Variants in RNF17 observed in about 807,000 individuals in gnomAD.
The protein encoded by RNF17 is spermatogenesis associated 23.
Under a neutral mutation model 200.5 loss-of-function variants are expected in RNF17, and 31 were observed. That is an observed-to-expected ratio of 0.15 (90% CI 0.12 to 0.21). The LOEUF is 0.21. Ranked by LOEUF, RNF17 falls within the 10% of genes least tolerant of loss-of-function variation. The probability of loss-of-function intolerance (pLI) is 1.00; values close to 1 mark genes in which losing one functional copy is unlikely to be tolerated. For missense variants in RNF17, 1,628 were observed against 1,905.1 expected, an observed-to-expected ratio of 0.85 and a Z score of 2.71; for synonymous variants, 606 against 637.8, an observed-to-expected ratio of 0.95 and a Z score of 0.75.
the RNF17 span, chr13:24,885,839 C>T: frequency 1.6e-6 from 1 of 622,004 alleles, no homozygotes; most frequent in Non-Finnish European, 2.9e-6. Context: ...GACACAGGTA[C>T]TTAAGTCCTA....
chr13:24,852,602 A>G (rs895749058), intron 24 of RNF17, among the ~76,000 whole-genome samples: 3 of 152,180 alleles, frequency 2.0e-5, no homozygotes, highest in Admixed American at 1.3e-4. Context: ...TGAAATGGAA[A>G]GAGAATTAGA....
intron 1 of RNF17, among the ~76,000 whole-genome samples, chr13:24,764,888 G>GGTGTGGGGGTGTGT (rs1555262370): frequency 1.5e-5 from 2 of 134,092 alleles, no homozygotes; most frequent in East Asian, 4.1e-4. Context: ...CACCTTGTGG[G>GGTGTGGGGGTGTGT]GTGTGTGTGT....
chr13:24,806,015 C>G (rs779344561), intron 15 of RNF17, among the ~76,000 whole-genome samples: 5 of 152,088 alleles, frequency 3.3e-5, no homozygotes, highest in Non-Finnish European at 7.4e-5. Context: ...TTAGGTATTT[C>G]TCCTAATGCT....
chr13:24,848,101 C>A (rs1342459340), intron 22 of RNF17, among the ~76,000 whole-genome samples: 1 of 152,112 alleles, frequency 6.6e-6, no homozygotes, highest in Non-Finnish European at 1.5e-5. Context: ...TTAATCCTAA[C>A]AACAAACCTT....
At chr13:24,837,959 G>A (rs1032932487) in intron 18 of RNF17, among the ~76,000 whole-genome samples, 1 of 152,052 alleles carries the variant, frequency 6.6e-6, no homozygotes, top group Non-Finnish European at 1.5e-5. Context: ...GATTAACCAA[G>A]AAAATGAGAG....
chr13:24,807,321 A>C (rs2137784630), intron 15 of RNF17, among the ~76,000 whole-genome samples: 1 of 150,876 alleles, frequency 6.6e-6, no homozygotes, highest in Non-Finnish European at 1.5e-5. Context: ...TTGTTTCCTG[A>C]CTTTTTAATG....
rs7319361 is a variant in RNF17, at chr13:24,797,718, G to C, written c.1399+1423G>C. 9.3e-4 allele frequency among the ~76,000 whole-genome samples: 110 copies of C among 117,946 alleles called. 1 individual carries two copies. Among genetic ancestry groups the C allele is most frequent in the East Asian group, 2.7e-3 (9 of 3,332 alleles). 77.4% of individuals were successfully genotyped at this position (117,946 alleles called of 152,430 possible). A position where few individuals can be genotyped will look rare whatever the true frequency, so the allele number is the denominator to read the frequency against. The stretch of plus-strand genomic sequence containing the variant: ...AGAGAGACAAAGAGTGTGTGTGTGT[G>C]TGTGTGTGTGTGTGTGTGTGTGTGT... On this transcript the variant is annotated intron_variant, in intron 11 of 35. Coordinates refer to ENST00000255324, the MANE Select transcript of RNF17 (RefSeq NM_031277.3).
chr13:24,882,849 G>A (rs1001052954), downstream of RNF17: 1 of 338,376 alleles, frequency 3.0e-6, no homozygotes, highest in Non-Finnish European at 5.6e-6. Flanking sequence ...GGGACATCTA[G>A]GTGATGTACT....
chr13:24,808,086 T>G (rs1215180502), intron 15 of RNF17, among the ~76,000 whole-genome samples: 2 of 151,292 alleles, frequency 1.3e-5, no homozygotes, highest in Non-Finnish European at 1.5e-5. Flanking sequence ...GTGTGATGCC[T>G]CCAGCTTTGT....
At chr13:24,766,559 A>T (rs1200488992) in intron 1 of RNF17, among the ~76,000 whole-genome samples, 3 of 152,222 alleles carry the variant, frequency 2.0e-5, no homozygotes, top group Non-Finnish European at 2.9e-5. Context: ...TTCTAACAGC[A>T]CGGTCTTGCC....
chr13:24,854,086 G>A lies in RNF17; in HGVS notation c.3552G>A (p.Glu1184=), dbSNP rs1481877579. ...PPAIPNMNVF[E]ATVSCVGDDG... ...CTATTCCTAACATGAACGTATTTGA[G>A]GCAACAGTCAGCTGTGTTGGTGATG... Residue 1184 remains glutamate, a synonymous_variant, in exon 25 of 36, where the codon GAG becomes GAA. Coordinates refer to ENST00000255324, the MANE Select transcript of RNF17 (RefSeq NM_031277.3). 3.7e-6 allele frequency: 6 copies of A among 1,613,850 alleles called. No individual in the cohort carries two copies. Among genetic ancestry groups the A allele is most frequent in the East Asian group, 2.2e-5 (1 of 44,868 alleles).
intron 15 of RNF17, among the ~76,000 whole-genome samples, chr13:24,807,589 G>A (rs1421470112): frequency 6.6e-6 from 1 of 152,114 alleles, no homozygotes; most frequent in Non-Finnish European, 1.5e-5. Context: ...CTCCCATTTT[G>A]TAGGTTGTCT....
At chr13:24,849,939 ATAC>A (rs1330423653) in intron 22 of RNF17, among the ~76,000 whole-genome samples, 1 of 152,192 alleles carries the variant, frequency 6.6e-6, no homozygotes, top group Admixed American at 6.5e-5. Context: ...ACAGGGCACT[ATAC>A]TAGTCATCAG....
chr13:24,848,092 T>G (rs1209516590), intron 22 of RNF17, among the ~76,000 whole-genome samples: 1 of 152,210 alleles, frequency 6.6e-6, no homozygotes, highest in Non-Finnish European at 1.5e-5. Context: ...CTATTTCACT[T>G]AATCCTAACA....
At chr13:24,862,942 T>G (rs1327877426) in intron 28 of RNF17, 149 bp downstream of exon 28, 2 of 459,976 alleles carry the variant, frequency 4.3e-6, no homozygotes, top group Non-Finnish European at 8.0e-6. Flanking sequence ...CCAGTTTGGT[T>G]CCTGCGCCTG....
chr13:24,801,895 ATATATT>A (rs1212618204), intron 13 of RNF17, among the ~76,000 whole-genome samples: 4 of 152,328 alleles, frequency 2.6e-5, no homozygotes, highest in African/African-American at 9.6e-5. Flanking sequence ...AACCTTGAGA[ATATATT>A]TATAAAGTGA....
chr13:24,868,571 GA>G (rs1238321341), intron 30 of RNF17, 28 bp from the exon 31 acceptor site: 9 of 1,172,674 alleles, frequency 7.7e-6, no homozygotes, highest in Non-Finnish European at 1.1e-5. Context: ...TCCTTATTCT[GA>G]AATTTGAATT....
Position 24,768,731 on chromosome 13 carries a change from T to C in RNF17, c.225+1365T>C, listed in dbSNP as rs532175075. On this transcript the variant is annotated intron_variant, in intron 2 of 35. Coordinates refer to ENST00000255324, the MANE Select transcript of RNF17 (RefSeq NM_031277.3). ...GTCAGTCTAGCCTGGGTTTCCTCAT[T>C]TGTGAGATGGATATAATACCTGCTT... Among the ~76,000 whole-genome samples the C allele has an allele frequency of 3.3e-5, 5 of 152,048 alleles. No individual in the cohort carries two copies. In the South Asian group the frequency reaches 6.3e-4, roughly 19 times the overall value.
At chr13:24,828,503 C>A (rs1352515016) in intron 16 of RNF17, among the ~76,000 whole-genome samples, 1 of 151,964 alleles carries the variant, frequency 6.6e-6, no homozygotes, top group Admixed American at 6.6e-5. Flanking sequence ...GTTCCTTCTT[C>A]TAATATGTAA....
Sources: gnomAD v4.1 joint callset for allele counts (sites outside exome capture counted in the v4.1 genomes callset) on GRCh38, gnomAD v4.1.1 for gene constraint, MANE v1.5 for transcripts, NCBI Gene and HGNC (gene_info 2026-07-23, HGNC 2026-07-21) for gene names.